RALGAPA1: variants seen among roughly 807,000 people sequenced by gnomAD.
RALGAPA1 encodes the protein Ral GTPase activating protein catalytic subunit alpha 1.
In RALGAPA1, 52 loss-of-function variants were observed where a neutral mutation model predicts 269.6. The observed-to-expected ratio is 0.19, with a 90% confidence interval of 0.15 to 0.24. The LOEUF is 0.24. RALGAPA1 is among the 10% of genes least tolerant of loss of function. The pLI is 1.00. For missense variants in RALGAPA1, 1,917 were observed against 3,013.9 expected, an observed-to-expected ratio of 0.64 and a Z score of 8.52; for synonymous variants, 817 against 1,008.3, an observed-to-expected ratio of 0.81 and a Z score of 3.60.
At chr14:35,768,119 T>C (rs995943615) in intron 4 of RALGAPA1, among the ~76,000 whole-genome samples, 4 of 152,152 alleles carry the variant, frequency 2.6e-5, no homozygotes, top group African/African-American at 9.7e-5. Context: ...GTCACCCCAA[T>C]TGGAGTGTAG....
intron 27 of RALGAPA1, among the ~76,000 whole-genome samples, chr14:35,661,405 A>C (rs1199802434): frequency 6.6e-6 from 1 of 152,192 alleles, no homozygotes; most frequent in Admixed American, 6.5e-5. Context: ...AACAAATACA[A>C]GGGTAAAATA....
At chr14:35,622,361 T>C (rs2060687508) in intron 35 of RALGAPA1, among the ~76,000 whole-genome samples, 2 of 151,962 alleles carry the variant, frequency 1.3e-5, no homozygotes, top group Admixed American at 6.6e-5. Context: ...TTGGGGCCTG[T>C]TGGGGGATTG....
chr14:35,565,182 G>A (rs1410052665), intron 39 of RALGAPA1, among the ~76,000 whole-genome samples: 1 of 151,716 alleles, frequency 6.6e-6, no homozygotes, highest in Non-Finnish European at 1.5e-5. Context: ...TATGATTTAT[G>A]TATTTTCTCA....
intron 10 of RALGAPA1, among the ~76,000 whole-genome samples, chr14:35,745,231 C>A (rs1049389262): frequency 2.5e-4 from 38 of 152,184 alleles, no homozygotes. Context: ...GCAGTTAATT[C>A]GTCTATGAAG....
intron 41 of RALGAPA1, among the ~76,000 whole-genome samples, 155 bp downstream of exon 41, chr14:35,548,353 T>C (rs1294348443): frequency 1.3e-5 from 2 of 152,244 alleles, no homozygotes; most frequent in African/African-American, 4.8e-5. Context: ...AGTATAATAC[T>C]GGAAAAAATT....
chr14:35,541,631 C>A, intron 41 of RALGAPA1: 1 of 426,350 alleles, frequency 2.3e-6, no homozygotes, highest in Non-Finnish European at 4.7e-6. Flanking sequence ...TTTAGGGAAG[C>A]ACTGCAGATG....
At chr14:35,593,875 T>A (rs1430174265) in intron 37 of RALGAPA1, among the ~76,000 whole-genome samples, 1 of 151,104 alleles carries the variant, frequency 6.6e-6, no homozygotes, top group East Asian at 1.9e-4. Flanking sequence ...AATAAAATAT[T>A]ATATTATATT....
rs537192472 is a variant in RALGAPA1 at position 35,746,201 on chromosome 14, T to TA, written c.1251+2383dup. Among the ~76,000 whole-genome samples, 886 of 152,256 alleles carry TA rather than the reference T, an allele frequency of 5.8e-3. 6 individuals are homozygous for TA. Among genetic ancestry groups the TA allele is most frequent in the South Asian group, 0.024 (118 of 4,822 alleles). ...TATAATCTCACTTAAATTTGCAATA[T>TA]AAAAAATCAAACTTATAAAAACAGA... On this transcript the variant is annotated intron_variant, in intron 10 of 41. Coordinates refer to ENST00000680220, the MANE Select transcript of RALGAPA1 (RefSeq NM_001346249.2).
intron 37 of RALGAPA1, among the ~76,000 whole-genome samples, chr14:35,587,591 C>A (rs1237033147): frequency 6.6e-6 from 1 of 152,040 alleles, no homozygotes; most frequent in Non-Finnish European, 1.5e-5. Flanking sequence ...AAGCTGGAAA[C>A]CATCATTTTG....
chr14:35,675,772 CAAT>C (rs1265355798), intron 22 of RALGAPA1, among the ~76,000 whole-genome samples: 1 of 151,942 alleles, frequency 6.6e-6, no homozygotes, highest in Admixed American at 6.6e-5. Context: ...ATTAAAAAGA[CAAT>C]AAAGATATCT....
chr14:35,711,041 C>T (rs1014414057), intron 16 of RALGAPA1, among the ~76,000 whole-genome samples: 25 of 152,206 alleles, frequency 1.6e-4, no homozygotes, highest in African/African-American at 5.3e-4. Flanking sequence ...TAATTAGCTT[C>T]ACTTTCTTTT....
At chr14:35,640,436 A>C (rs566760368) in intron 31 of RALGAPA1, among the ~76,000 whole-genome samples, 18 of 152,308 alleles carry the variant, frequency 1.2e-4, no homozygotes, top group Non-Finnish European at 2.9e-5. Flanking sequence ...AAATTAAAAG[A>C]TCAACAGAGC....
At chr14:35,659,627 C>T (rs968288969) in intron 27 of RALGAPA1, among the ~76,000 whole-genome samples, 2 of 151,796 alleles carry the variant, frequency 1.3e-5, no homozygotes, top group Admixed American at 1.3e-4. Context: ...TTTTAAGAGG[C>T]CAGCACTACC....
chr14:35,546,343 TA>T (rs2054453995), intron 41 of RALGAPA1, among the ~76,000 whole-genome samples: 1 of 151,876 alleles, frequency 6.6e-6, no homozygotes, highest in Non-Finnish European at 1.5e-5. Context: ...TAAGAAATCT[TA>T]AAAAAATAAT....
In RALGAPA1 at chr14:35,766,042, G is replaced by A. The variant is rs533413058; in HGVS notation, c.326-3289C>T. 10 of 1,366,482 alleles carry A rather than the reference G, an allele frequency of 7.3e-6. No homozygotes were observed. The Admixed American group carries it at 1.7e-4, about 23-fold the overall frequency. 84.6% of individuals were successfully genotyped at this position (1,366,482 alleles called of 1,614,324 possible). ...GAAGATTCAGACTGGCTGATAACTGGAGGAAGCTCAGGTGGGAGTGCAGTT... is the reference window on the plus strand; with the variant it reads ...GAAGATTCAGACTGGCTGATAACTGAAGGAAGCTCAGGTGGGAGTGCAGTT... On this transcript the variant is annotated intron_variant, in intron 4 of 41. Transcript: ENST00000680220.
chr14:35,801,258 C>CACACACAA (rs2076956696), intron 1 of RALGAPA1, among the ~76,000 whole-genome samples: 1 of 131,334 alleles, frequency 7.6e-6, no homozygotes, highest in Admixed American at 7.1e-5. Flanking sequence ...CACACACACA[C>CACACACAA]ACACACACAC....
chr14:35,570,863 T>A, intron 38 of RALGAPA1, 119 bp from the exon 39 acceptor site: 1 of 893,438 alleles, frequency 1.1e-6, no homozygotes, highest in Non-Finnish European at 1.7e-6. Context: ...CTTCCTTCAG[T>A]AAAAATACTA....
intron 31 of RALGAPA1, among the ~76,000 whole-genome samples, chr14:35,645,371 GTGTGTGTGTGTGTGTGTGTA>G (rs1459788091): frequency 6.6e-6 from 1 of 151,160 alleles, no homozygotes; most frequent in Admixed American, 6.6e-5. Context: ...GTGTGTGTGT[GTGTGTGTGTGTGTGTGTGTA>G]TATGTTATGT....
At chr14:35,688,228 T>G (rs569461771) in intron 18 of RALGAPA1, among the ~76,000 whole-genome samples, 2 of 152,332 alleles carry the variant, frequency 1.3e-5, no homozygotes, top group South Asian at 4.1e-4. Flanking sequence ...CCTATGTTGT[T>G]GTTCAGCAGC....
Sources: allele counts gnomAD v4.1 joint callset (sites outside exome capture counted in the v4.1 genomes callset), GRCh38; gene constraint gnomAD v4.1.1; transcripts MANE v1.5; gene names NCBI Gene and HGNC (gene_info 2026-07-23, HGNC 2026-07-21).